The following RNF144B variants were observed in gnomAD, a reference collection of about 807,000 sequenced individuals.
RNF144B encodes the protein ring finger protein 144B.
Under a neutral mutation model 40.2 loss-of-function variants are expected in RNF144B, and 25 were observed. The observed-to-expected ratio is 0.62, with a 90% CI of 0.45 to 0.87. The LOEUF (loss-of-function observed/expected upper bound fraction) is 0.87, where lower values mean the gene tolerates loss of function less well. Ranked by LOEUF, RNF144B falls within the 40% of genes least tolerant of loss-of-function variation. The pLI is 0.00. For synonymous variants in RNF144B, 145 were observed against 136.3 expected (o/e 1.06, Z -0.44); for missense variants, 365 against 373.7 (o/e 0.98, Z 0.19).
intron 2 of RNF144B, among the ~76,000 whole-genome samples, chr6:18,411,798 T>A (rs1196066703): frequency 2.0e-5 from 3 of 152,116 alleles, no homozygotes; most frequent in African/African-American, 7.2e-5. Context: ...CCAGCCCACC[T>A]GTACTTTCTT....
intron 2 of RNF144B, among the ~76,000 whole-genome samples, chr6:18,421,071 A>G (rs1307553082): frequency 1.3e-5 from 2 of 151,954 alleles, no homozygotes; most frequent in East Asian, 3.9e-4. Flanking sequence ...CCTGAGCAAC[A>G]TGGCGAAACT....
In RNF144B at chr6:18,442,938, A is replaced by G. The variant is rs1308029033; in HGVS notation, c.331+3194A>G. ...CGTCATTTTGTTTATTCATCTGTTG[A>G]TGGACATTTCAGTTGTTTCCACCTT... On this transcript the variant is annotated intron_variant, in intron 4 of 7. Coordinates refer to ENST00000259939, the MANE Select transcript of RNF144B (RefSeq NM_182757.4). This position sits in a 1 kb window ranked among gnomAD's most constrained non-coding sequence, Gnocchi z 4.3. Among the ~76,000 whole-genome samples, 2 of 152,122 alleles carry G rather than the reference A, an allele frequency of 1.3e-5. No individual in the cohort carries two copies. Among genetic ancestry groups the G allele is most frequent in the Non-Finnish European group, 1.5e-5 (1 of 68,030 alleles).
In RNF144B at chr6:18,444,227, G is replaced by T. The variant is rs1759029485; in HGVS notation, c.331+4483G>T. ...AAGCAAAGAAATACTATCTGATATT[G>T]GTTGGTTATTCTACCCGCTTTCCAC... is the stretch of plus-strand genomic sequence containing the variant. On this transcript the variant is annotated intron_variant, in intron 4 of 7. Coordinates refer to ENST00000259939, the MANE Select transcript of RNF144B (RefSeq NM_182757.4). This position sits in a 1 kb window ranked among gnomAD's most constrained non-coding sequence, Gnocchi z 4.3. Among the ~76,000 whole-genome samples, 1 of 152,266 alleles carries T rather than the reference G, an allele frequency of 6.6e-6. No individual in the cohort carries two copies. Among genetic ancestry groups the T allele is most frequent in the South Asian group, 2.1e-4 (1 of 4,828 alleles).
chr6:18,424,812 A>G (rs925771731), intron 2 of RNF144B, among the ~76,000 whole-genome samples: 1 of 152,156 alleles, frequency 6.6e-6, no homozygotes, highest in Non-Finnish European at 1.5e-5. Flanking sequence ...CACCTGGGAT[A>G]TTCTGTTACA....
At chr6:18,428,656 G>T (rs532644840) in intron 3 of RNF144B, among the ~76,000 whole-genome samples, 1 of 152,212 alleles carries the variant, frequency 6.6e-6, no homozygotes, top group East Asian at 1.9e-4. Flanking sequence ...GAAATCAGTT[G>T]TTCATTTAGC....
intron 2 of RNF144B, among the ~76,000 whole-genome samples, chr6:18,424,862 G>T (rs1225345485): frequency 2.6e-5 from 4 of 152,156 alleles, no homozygotes; most frequent in African/African-American, 9.7e-5. Context: ...ACCTTAAGTG[G>T]TTTAACTGGT....
chr6:18,448,006 G>A lies in RNF144B; in HGVS notation c.331+8262G>A, dbSNP rs1207686908. On this transcript the variant is annotated intron_variant, in intron 4 of 7. Transcript: ENST00000259939. The surrounding 1 kb of genome is among the most constrained non-coding windows in gnomAD (Gnocchi z 4.0). ...TGAGGAGAGATATGGTCTGAGAGTT[G>A]ATAACAGAGGTCTTTGGTGATCTTG... Among the ~76,000 whole-genome samples the A allele has an allele frequency of 1.3e-5, 2 of 152,300 alleles. No individual in the cohort carries two copies. Among genetic ancestry groups the A allele is most frequent in the Admixed American group, 1.3e-4 (2 of 15,296 alleles).
intron 1 of RNF144B, among the ~76,000 whole-genome samples, chr6:18,388,827 G>A (rs1329634897): frequency 2.7e-5 from 4 of 149,320 alleles, no homozygotes; most frequent in Middle Eastern, 3.5e-3. Context: ...TATTTTTGTC[G>A]TGGGCATAAA....
chr6:18,450,330 C>G lies in RNF144B; in HGVS notation c.332-6825C>G, dbSNP rs1235513566. ...TTTTTTTTTTTTAGATGGAGTCTTG[C>G]TCTGTCACCCAGGCTGGAGTGCAGT... On this transcript the variant is annotated intron_variant, in intron 4 of 7. Transcript: ENST00000259939. The surrounding 1 kb of genome is among the most constrained non-coding windows in gnomAD (Gnocchi z 4.7). Among the ~76,000 whole-genome samples, 2 of 151,422 alleles carry G rather than the reference C, an allele frequency of 1.3e-5. No individual in the cohort carries two copies. Among genetic ancestry groups the G allele is most frequent in the African/African-American group, 2.4e-5 (1 of 41,204 alleles).
rs537409094 is a variant in RNF144B, at chr6:18,465,536, A to T, written c.*469A>T. The T allele has an allele frequency of 6.5e-6, 1 of 154,958 alleles. No individual in the cohort carries two copies. The highest frequency in any genetic ancestry group is 2.4e-5 in the African/African-American group (1 of 41,476). The allele number at this position is 154,958 out of a possible 1,614,324, so 9.6% of individuals were successfully genotyped here. On this transcript the variant is annotated 3_prime_UTR_variant, in exon 8 of 8. Transcript: ENST00000259939. ...AGAAGGATAAGACTGCGTAAGGAGA[A>T]ATCCTCATAGGAGCTATAAAGCAGG...
At chr6:18,423,162 G>T (rs768283193) in intron 2 of RNF144B, among the ~76,000 whole-genome samples, 2 of 152,216 alleles carry the variant, frequency 1.3e-5, no homozygotes, top group African/African-American at 2.4e-5. Context: ...ACTTTTCAAA[G>T]TGAATGGGGG....
intron 2 of RNF144B, among the ~76,000 whole-genome samples, chr6:18,415,655 C>T (rs1795135887): frequency 6.6e-6 from 1 of 152,170 alleles, no homozygotes. Flanking sequence ...TCACATATCT[C>T]TCCGTCTGTT....
At chr6:18,421,207 G>A (rs952267371) in intron 2 of RNF144B, among the ~76,000 whole-genome samples, 2 of 150,116 alleles carry the variant, frequency 1.3e-5, no homozygotes, top group African/African-American at 2.5e-5. Context: ...AGCTGAGATC[G>A]TACCACTTCA....
chr6:18,428,084 T>C (rs939341118), intron 3 of RNF144B, among the ~76,000 whole-genome samples: 2 of 152,202 alleles, frequency 1.3e-5, no homozygotes, highest in African/African-American at 4.8e-5. Context: ...TCCCCCATGC[T>C]GTTCTCGTGA....
chr6:18,389,036 AG>A (rs1455052950), intron 1 of RNF144B, among the ~76,000 whole-genome samples: 3 of 152,154 alleles, frequency 2.0e-5, no homozygotes, highest in African/African-American at 7.2e-5. Flanking sequence ...CAATCACCCT[AG>A]ATAACTTTCT....
rs776733420 is a variant in RNF144B at position 18,443,601 on chromosome 6, C to G, written c.331+3857C>G. ...GAAGGCAATTTGTAATCGTGTAATT[C>G]TTCATTACCATCCGTTATAATTATT... On this transcript the variant is annotated intron_variant, in intron 4 of 7. Transcript: ENST00000259939. This position sits in a 1 kb window ranked among gnomAD's most constrained non-coding sequence, Gnocchi z 4.7. Among the ~76,000 whole-genome samples the G allele has an allele frequency of 2.8e-4, 43 of 151,784 alleles. No individual in the cohort carries two copies. The highest frequency in any genetic ancestry group is 9.9e-4 in the Admixed American group (15 of 15,204).
rs191350364 is a variant in RNF144B, at chr6:18,406,564, A to G, written c.165+6865A>G. 2.0e-4 allele frequency among the ~76,000 whole-genome samples: 31 copies of G among 151,752 alleles called. No individual in the cohort carries two copies. The highest frequency in any genetic ancestry group is 7.0e-4 in the African/African-American group (29 of 41,352). ...TCTTCTCTCTGCAAGCTGGAGACCCAGGAGAACCAGTGGTGTATTTCCAGT... is the reference window on the plus strand; with the variant it reads ...TCTTCTCTCTGCAAGCTGGAGACCCGGGAGAACCAGTGGTGTATTTCCAGT... On this transcript the variant is annotated intron_variant, in intron 2 of 7. Transcript: ENST00000259939. The surrounding 1 kb of genome is among the most constrained non-coding windows in gnomAD (Gnocchi z 4.2).
intron 3 of RNF144B, among the ~76,000 whole-genome samples, chr6:18,429,499 C>T (rs916753536): frequency 9.9e-5 from 15 of 152,000 alleles, no homozygotes; most frequent in Non-Finnish European, 1.6e-4. Context: ...TGAGATATAA[C>T]GTTTTTTAGG....
rs1759135186 is a variant in RNF144B at position 18,448,509 on chromosome 6, A to T, written c.332-8646A>T. The stretch of plus-strand genomic sequence containing the variant: ...AAAGGAGGAGCTTTATGTAATATGA[A>T]AGTATAGCGAACCTAGCAATATTGA... On this transcript the variant is annotated intron_variant, in intron 4 of 7. Transcript: ENST00000259939. This position sits in a 1 kb window ranked among gnomAD's most constrained non-coding sequence, Gnocchi z 4.0. Among the ~76,000 whole-genome samples the T allele has an allele frequency of 1.3e-5, 2 of 152,108 alleles. No homozygotes were observed. The highest frequency in any genetic ancestry group is 1.3e-4 in the Admixed American group (2 of 15,264).
Sources: allele counts gnomAD v4.1 joint callset (sites outside exome capture counted in the v4.1 genomes callset), GRCh38; gene constraint gnomAD v4.1.1; non-coding constraint Gnocchi (gnomAD v3.1); transcripts MANE v1.5; gene names NCBI Gene and HGNC (gene_info 2026-07-23, HGNC 2026-07-21).